Variants in IFI16 observed in about 807,000 individuals in gnomAD.
IFI16 encodes interferon gamma inducible protein 16, also known as gamma-interferon-inducible protein 16.
Under a neutral mutation model 68.4 loss-of-function variants are expected in IFI16, and 49 were observed. The observed-to-expected ratio is 0.72, with a 90% confidence interval of 0.57 to 0.91. The LOEUF is 0.91. Ranked by LOEUF, IFI16 falls within the 40% of genes least tolerant of loss-of-function variation. The pLI, the probability that IFI16 is intolerant of heterozygous loss-of-function variation, is 0.00. For synonymous variants in IFI16, 307 were observed against 315.0 expected (o/e 0.97, Z 0.27); for missense variants, 878 against 942.9 (o/e 0.93, Z 0.90).
intron 8 of IFI16, among the ~76,000 whole-genome samples, chr1:159,047,775 T>C (rs1655085935): frequency 6.7e-6 from 1 of 149,020 alleles, no homozygotes; most frequent in Non-Finnish European, 1.5e-5. Context: ...AGTTTTTCTA[T>C]AATAGAGTTC....
chr1:159,043,049 C>G (rs1654763298), intron 7 of IFI16, among the ~76,000 whole-genome samples: 1 of 152,186 alleles, frequency 6.6e-6, no homozygotes, highest in South Asian at 2.1e-4. Flanking sequence ...GACCTGAGCA[C>G]CATCACACAT....
intron 7 of IFI16, among the ~76,000 whole-genome samples, chr1:159,044,200 T>C (rs560469165): frequency 6.6e-6 from 1 of 152,160 alleles, no homozygotes; most frequent in African/African-American, 2.4e-5. Context: ...GTGGGAAAAC[T>C]GAGGTGCAAA....
intron 6 of IFI16, among the ~76,000 whole-genome samples, chr1:159,021,939 C>CTTTTT (rs56149308): frequency 1.6e-5 from 1 of 61,700 alleles, no homozygotes; most frequent in African/African-American, 6.3e-5. Context: ...GCCCTTAGCC[C>CTTTTT]TTTTTTTTTT....
At chr1:159,022,221 C>T (rs1479764084) in intron 6 of IFI16, among the ~76,000 whole-genome samples, 2 of 152,136 alleles carry the variant, frequency 1.3e-5, no homozygotes, top group African/African-American at 4.8e-5. Context: ...GCCTCGGCCT[C>T]CCAAAGTGCT....
At chr1:159,020,161 C>T (rs78035427) in intron 5 of IFI16, among the ~76,000 whole-genome samples, 180 bp from the exon 6 acceptor site, 6,560 of 152,140 alleles carry the variant, frequency 0.043, 306 homozygotes, top group African/African-American at 0.12. Flanking sequence ...ATATGAAAGA[C>T]TTAAACAAAA....
chr1:159,027,259 CT>C lies in IFI16; in HGVS notation c.1162-5256del, dbSNP rs368550252. On this transcript the variant is annotated intron_variant, in intron 6 of 11. Transcript: ENST00000295809. ...AAGTGATGCTGGATTTTGTCAAATGCTTTTTTTTTGCGTCTACTTAGATGAT... is the reference window on the plus strand; with the variant it reads ...AAGTGATGCTGGATTTTGTCAAATGCTTTTTTTTGCGTCTACTTAGATGAT... Among the ~76,000 whole-genome samples the C allele has an allele frequency of 1.7e-4, 26 of 150,638 alleles. No individual in the cohort carries two copies. The East Asian group carries it at 2.7e-3, about 16-fold the overall frequency.
Position 159,018,214 on chromosome 1 carries a change from T to C in IFI16, c.550-15T>C. On this transcript the variant is annotated splice_polypyrimidine_tract_variant and intron_variant, in intron 4 of 11. Coordinates refer to ENST00000295809, the MANE Select transcript of IFI16 (RefSeq NM_001376587.1). The stretch of plus-strand genomic sequence containing the variant: ...TTAGACATTTTTCTTTGTTCTCCTG[T>C]GCTATCATACACAGAACCCGAAAAC... 2 of 1,606,718 alleles carry C rather than the reference T, an allele frequency of 1.2e-6. No homozygotes were observed. The highest frequency in any genetic ancestry group is 1.7e-6 in the Non-Finnish European group (2 of 1,175,420).
chr1:159,044,181 A>G (rs1355669455), intron 7 of IFI16, among the ~76,000 whole-genome samples: 1 of 152,184 alleles, frequency 6.6e-6, no homozygotes, highest in African/African-American at 2.4e-5. Flanking sequence ...GGCTAGTCCC[A>G]TCTCACATGT....
At chr1:159,032,426 C>T in intron 6 of IFI16, 98 bp from the exon 7 acceptor site, 1 of 692,468 alleles carries the variant, frequency 1.4e-6, no homozygotes, top group South Asian at 2.6e-5. Flanking sequence ...GTAATGAGAC[C>T]TATTAAAATC....
intron 6 of IFI16, among the ~76,000 whole-genome samples, chr1:159,025,454 A>G (rs1653607413): frequency 6.6e-6 from 1 of 152,300 alleles, no homozygotes; most frequent in South Asian, 2.1e-4. Context: ...AATATTGTAG[A>G]CATTATTTAT....
intron 6 of IFI16, among the ~76,000 whole-genome samples, chr1:159,024,954 G>C (rs931708597): frequency 1.3e-5 from 2 of 151,836 alleles, no homozygotes; most frequent in Non-Finnish European, 2.9e-5. Flanking sequence ...GGCGGTCTCA[G>C]TGGTTAATAC....
At chr1:159,045,710 C>G (rs1421766532) in intron 8 of IFI16, among the ~76,000 whole-genome samples, 6 of 150,666 alleles carry the variant, frequency 4.0e-5, no homozygotes, top group African/African-American at 7.3e-5. Context: ...TTTGGCTTAC[C>G]TTTTTGTTTT....
upstream of IFI16, among the ~76,000 whole-genome samples, chr1:159,009,639 GAAAA>G (rs559738986): frequency 1.3e-5 from 2 of 151,952 alleles, no homozygotes; most frequent in African/African-American, 2.4e-5. Context: ...AATTTTGTAA[GAAAA>G]AAAACTTATT....
upstream of IFI16, among the ~76,000 whole-genome samples, chr1:159,007,261 A>G (rs1652294985): frequency 6.6e-6 from 1 of 152,232 alleles, no homozygotes; most frequent in Admixed American, 6.5e-5. Flanking sequence ...CTGTGTCTTA[A>G]CAGCAAAGGT....
chr1:159,024,758 A>G (rs1431291227), intron 6 of IFI16, among the ~76,000 whole-genome samples: 1 of 152,228 alleles, frequency 6.6e-6, no homozygotes, highest in Non-Finnish European at 1.5e-5. Context: ...AAGGTGAGTT[A>G]GACTTAGTTA....
chr1:159,024,960 A>G (rs1653559727), intron 6 of IFI16, among the ~76,000 whole-genome samples: 1 of 152,060 alleles, frequency 6.6e-6, no homozygotes, highest in Non-Finnish European at 1.5e-5. Flanking sequence ...CTCAGTGGTT[A>G]ATACATAAAA....
At chr1:159,002,197 G>A (rs2101770190), upstream of IFI16, among the ~76,000 whole-genome samples, 1 of 152,212 alleles carries the variant, frequency 6.6e-6, no homozygotes, top group East Asian at 1.9e-4. Context: ...CAAACAGCTA[G>A]TAAAAGACAG....
At chr1:159,000,861 G>A (rs1652033728) in intron 1 of IFI16, among the ~76,000 whole-genome samples, 1 of 152,146 alleles carries the variant, frequency 6.6e-6, no homozygotes, top group African/African-American at 2.4e-5. Context: ...TGGTTGATGA[G>A]TGAGTTCTCC....
intron 7 of IFI16, among the ~76,000 whole-genome samples, chr1:159,033,759 G>A (rs977331829): frequency 6.6e-6 from 1 of 152,208 alleles, no homozygotes; most frequent in Non-Finnish European, 1.5e-5. Context: ...TCACGTAACA[G>A]TTACATAGCC....
Sources: allele counts gnomAD v4.1 joint callset (sites outside exome capture counted in the v4.1 genomes callset), GRCh38; gene constraint gnomAD v4.1.1; transcripts MANE v1.5; gene names NCBI Gene and HGNC (gene_info 2026-07-23, HGNC 2026-07-21).